Variants in XKR9 observed in about 807,000 individuals in gnomAD.
XKR9 encodes the protein XK-related protein 9.
A neutral mutation model predicts 32.0 loss-of-function variants in XKR9; 32 were observed. That is an observed-to-expected ratio of 1.00 (90% CI 0.76 to 1.34). The LOEUF (loss-of-function observed/expected upper bound fraction) is 1.34, where lower values mean the gene tolerates loss of function less well. Among genes scored for constraint, XKR9 ranks in the 40% most tolerant of loss-of-function variants. The probability of loss-of-function intolerance (pLI) is 0.00; values close to 1 mark genes in which losing one functional copy is unlikely to be tolerated. For synonymous variants in XKR9, 168 were observed against 143.4 expected, an observed-to-expected ratio of 1.17 and a Z score of -1.22; for missense variants, 546 against 429.7, an observed-to-expected ratio of 1.27 and a Z score of -2.39.
At chr8:70,779,401 C>G (rs1489661534) in intron 2 of XKR9, among the ~76,000 whole-genome samples, 1 of 151,960 alleles carries the variant, frequency 6.6e-6, no homozygotes. Flanking sequence ...GGGATATTGG[C>G]CTAACATTCT....
chr8:71,017,852 C>T, the XKR9 span, among the ~76,000 whole-genome samples: 1 of 152,162 alleles, frequency 6.6e-6, no homozygotes, highest in African/African-American at 2.4e-5. Context: ...CAAATAATGG[C>T]AGCACTTGAT....
At chr8:70,882,273 A>G in the XKR9 span, among the ~76,000 whole-genome samples, 3 of 151,796 alleles carry the variant, frequency 2.0e-5, no homozygotes, top group Admixed American at 6.6e-5. Flanking sequence ...TAAAAAATAA[A>G]TAAAATAAAC....
At chr8:70,858,134 G>A in the XKR9 span, among the ~76,000 whole-genome samples, 3 of 152,054 alleles carry the variant, frequency 2.0e-5, no homozygotes, top group Admixed American at 6.6e-5. Flanking sequence ...GGCAGGAGAA[G>A]GAAATAAAGG....
rs113761879 is a variant in XKR9 at position 70,764,957 on chromosome 8, G to A, written n.353-24382G>A. On this transcript the variant is annotated intron_variant and non_coding_transcript_variant, in intron 2 of 3. Coordinates refer to the XKR9 transcript ENST00000520273. ...CTATGGCTGAATAGTATTCCATGGT[G>A]TATAAATGTCACATTTTCTTTATCC... is the stretch of plus-strand genomic sequence containing the variant. 3.7e-3 allele frequency among the ~76,000 whole-genome samples: 561 copies of A among 152,318 alleles called. 3 individuals carry two copies. Among genetic ancestry groups the A allele is most frequent in the African/African-American group, 0.013 (540 of 41,568 alleles).
intron 3 of XKR9, among the ~76,000 whole-genome samples, chr8:70,701,596 A>G (rs1805537932): frequency 6.6e-6 from 1 of 152,190 alleles, no homozygotes; most frequent in African/African-American, 2.4e-5. Context: ...GAAATGAGCA[A>G]AAATTAGAAC....
chr8:71,016,456 C>T, the XKR9 span, among the ~76,000 whole-genome samples: 11 of 152,168 alleles, frequency 7.2e-5, no homozygotes, highest in African/African-American at 2.6e-4. Context: ...CTGGAAAAGC[C>T]CTCATCACAA....
chr8:70,778,178 C>G (rs376046270), intron 2 of XKR9, among the ~76,000 whole-genome samples: 3 of 152,016 alleles, frequency 2.0e-5, no homozygotes. Flanking sequence ...ATATGGCTAC[C>G]CAGTTTTCCA....
At chr8:70,877,742 G>A in the XKR9 span, among the ~76,000 whole-genome samples, 4 of 152,140 alleles carry the variant, frequency 2.6e-5, no homozygotes, top group African/African-American at 9.7e-5. Context: ...CACTCTGCAG[G>A]ATATTATCCA....
At chr8:70,963,179 G>A in the XKR9 span, among the ~76,000 whole-genome samples, 1 of 151,984 alleles carries the variant, frequency 6.6e-6, no homozygotes, top group African/African-American at 2.4e-5. Flanking sequence ...CCATGTGTTT[G>A]AATCATTCAG....
chr8:70,932,320 A>T, the XKR9 span, among the ~76,000 whole-genome samples: 1 of 152,202 alleles, frequency 6.6e-6, no homozygotes, highest in East Asian at 1.9e-4. Context: ...AGTAGGGAAA[A>T]ATTAATTGCA....
the XKR9 span, among the ~76,000 whole-genome samples, chr8:70,983,954 A>C: frequency 6.6e-6 from 1 of 152,210 alleles, no homozygotes; most frequent in African/African-American, 2.4e-5. Flanking sequence ...CAGGGCCTGA[A>C]TAACAATCAT....
At chr8:70,961,911 G>A in the XKR9 span, among the ~76,000 whole-genome samples, 1 of 152,112 alleles carries the variant, frequency 6.6e-6, no homozygotes, top group Admixed American at 6.5e-5. Flanking sequence ...TACTGCTTAT[G>A]TTTAGTAGAT....
intron 2 of XKR9, among the ~76,000 whole-genome samples, chr8:70,776,947 C>CTCTCTCTATATATA: frequency 0.039 from 2,101 of 54,168 alleles, 117 homozygotes; most frequent in African/African-American, 0.069. Flanking sequence ...CTCTCTCTCT[C>CTCTCTCTATATATA]TATATATATA....
intron 2 of XKR9, among the ~76,000 whole-genome samples, chr8:70,747,047 T>C (rs1007258292): frequency 2.0e-5 from 3 of 152,200 alleles, no homozygotes; most frequent in Admixed American, 6.5e-5. Flanking sequence ...TCACTTACGA[T>C]AATGGCCTCC....
At chr8:70,901,779 T>C in the XKR9 span, among the ~76,000 whole-genome samples, 2 of 152,284 alleles carry the variant, frequency 1.3e-5, no homozygotes, top group South Asian at 4.1e-4. Flanking sequence ...TCTTCAAGGG[T>C]TTTTGTGGTT....
At chr8:70,723,468 A>G (rs1445055732) in intron 4 of XKR9, among the ~76,000 whole-genome samples, 1 of 152,148 alleles carries the variant, frequency 6.6e-6, no homozygotes, top group Admixed American at 6.5e-5. Flanking sequence ...TTTGATGCTG[A>G]TGACCTTTGG....
the XKR9 span, among the ~76,000 whole-genome samples, chr8:71,034,966 C>T: frequency 6.6e-6 from 1 of 152,158 alleles, no homozygotes; most frequent in African/African-American, 2.4e-5. Flanking sequence ...CATAGCAGTT[C>T]TCAACTATTT....
the XKR9 span, among the ~76,000 whole-genome samples, chr8:70,873,088 A>G: frequency 6.6e-6 from 1 of 152,206 alleles, no homozygotes; most frequent in African/African-American, 2.4e-5. Context: ...ATGACAGCAC[A>G]TATGTTTACA....
intron 3 of XKR9, among the ~76,000 whole-genome samples, chr8:70,696,475 C>T (rs1190504947): frequency 6.6e-6 from 1 of 150,546 alleles, no homozygotes; most frequent in East Asian, 1.9e-4. Flanking sequence ...TCAGGTTTGT[C>T]AAAGATCAGA....
Sources: allele counts gnomAD v4.1 joint callset (sites outside exome capture counted in the v4.1 genomes callset), GRCh38; gene constraint gnomAD v4.1.1; transcripts MANE v1.5; gene names NCBI Gene and HGNC (gene_info 2026-07-23, HGNC 2026-07-21).